DTNA: variants seen among roughly 807,000 people sequenced by gnomAD.
DTNA encodes the protein dystrobrevin alpha.
A neutral mutation model predicts 100.7 loss-of-function variants in DTNA; 43 were observed. The ratio of observed to expected loss-of-function variants is 0.43; its 90% CI spans 0.33 to 0.55. DTNA has a LOEUF of 0.55. Among genes scored for constraint, DTNA ranks in the 20% least tolerant of loss-of-function variants. DTNA has a pLI of 0.04. For synonymous variants in DTNA, 349 were observed against 347.9 expected (o/e 1.00, Z -0.04); for missense variants, 798 against 953.9 (o/e 0.84, Z 2.15).
At chr18:34,877,853 A>T (rs1302521763) in intron 19 of DTNA, 45 bp downstream of exon 19, 1 of 1,518,284 alleles carries the variant, frequency 6.6e-7, no homozygotes, top group Non-Finnish European at 9.1e-7. Flanking sequence ...TCATGGAGGG[A>T]TCCATAAGTG....
At chr18:34,692,636 G>A (rs1178438787) in intron 1 of DTNA, among the ~76,000 whole-genome samples, 3 of 152,206 alleles carry the variant, frequency 2.0e-5, no homozygotes, top group African/African-American at 7.2e-5. Context: ...ATAAGTTTAT[G>A]TTTAGGTTGA....
intron 3 of DTNA, among the ~76,000 whole-genome samples, chr18:34,768,438 G>C (rs1372522183): frequency 7.0e-6 from 1 of 142,006 alleles, no homozygotes; most frequent in Non-Finnish European, 1.5e-5. Flanking sequence ...ACACTGTGTT[G>C]TCCCCACTCA....
At chr18:34,666,319 T>C (rs1476932382) in intron 1 of DTNA, among the ~76,000 whole-genome samples, 1 of 152,078 alleles carries the variant, frequency 6.6e-6, no homozygotes, top group Non-Finnish European at 1.5e-5. Context: ...TTCTGGATAT[T>C]AGCCCTTTGT....
rs540168484 is a variant in DTNA at position 34,686,488 on chromosome 18, C to T, written c.-1-69488C>T. On this transcript the variant is annotated intron_variant, in intron 1 of 19. Coordinates refer to the DTNA transcript ENST00000283365. ...CCAGCCTTGCATCCCAGGATGAAGCCGACTTGATTGTGGTGGATAATCTTT... is the reference window on the plus strand; with the variant it reads ...CCAGCCTTGCATCCCAGGATGAAGCTGACTTGATTGTGGTGGATAATCTTT... Among the ~76,000 whole-genome samples the T allele has an allele frequency of 5.9e-5, 9 of 152,166 alleles. No homozygotes were observed. In the East Asian group the frequency reaches 7.7e-4, roughly 13 times the overall value.
chr18:34,797,132 C>G (rs2095012518), intron 4 of DTNA, among the ~76,000 whole-genome samples: 1 of 152,098 alleles, frequency 6.6e-6, no homozygotes, highest in Non-Finnish European at 1.5e-5. Context: ...CTCATGCTTG[C>G]CATTCTGTCC....
intron 14 of DTNA, 72 bp from the exon 15 acceptor site, chr18:34,851,759 A>T: frequency 6.8e-7 from 1 of 1,481,138 alleles, no homozygotes; most frequent in African/African-American, 1.4e-5. Flanking sequence ...TGCATATCTC[A>T]TGACTCCTGC....
chr18:34,867,222 C>A (rs1053880145), intron 17 of DTNA: 6 of 1,231,082 alleles, frequency 4.9e-6, no homozygotes, highest in Non-Finnish European at 5.1e-6. Context: ...TTGTGTGTAA[C>A]AAAGAATGTT....
At chr18:34,886,644 C>G (rs1459357432) in intron 22 of DTNA, among the ~76,000 whole-genome samples, 1 of 152,142 alleles carries the variant, frequency 6.6e-6, no homozygotes, top group African/African-American at 2.4e-5. Context: ...TCTAGAAGTT[C>G]CTAGGCCATT....
intron 5 of DTNA, among the ~76,000 whole-genome samples, chr18:34,810,078 A>G (rs2095452642): frequency 6.6e-6 from 1 of 152,328 alleles, no homozygotes. Context: ...GGGCTCCTGG[A>G]TAGTTCTAAG....
intron 1 of DTNA, among the ~76,000 whole-genome samples, chr18:34,698,713 A>G (rs1393757598): frequency 6.6e-6 from 1 of 152,170 alleles, no homozygotes; most frequent in African/African-American, 2.4e-5. Context: ...CCGATGTTTG[A>G]GGTCAGGAAG....
Position 34,798,038 on chromosome 18 carries a change from C to T in DTNA, c.362+3788C>T, listed in dbSNP as rs147298373. 3.2e-4 allele frequency among the ~76,000 whole-genome samples: 48 copies of T among 152,248 alleles called. No individual in the cohort carries two copies. The East Asian group carries it at 7.5e-3, about 24-fold the overall frequency. On this transcript the variant is annotated intron_variant, in intron 4 of 22. Transcript: ENST00000444659. ...TTTTTAAGACCGAGTCTCACTCTGC[C>T]GCCCAGGCTGGAGTGCAGTGGCACA...
At chr18:34,533,173 C>G (rs2043319468) in intron 1 of DTNA, among the ~76,000 whole-genome samples, 1 of 151,588 alleles carries the variant, frequency 6.6e-6, no homozygotes, top group Non-Finnish European at 1.5e-5. Context: ...AAGTTCACGA[C>G]CAGCCTGACC....
intron 1 of DTNA, among the ~76,000 whole-genome samples, chr18:34,591,625 G>A (rs1402802822): frequency 6.6e-6 from 1 of 152,160 alleles, no homozygotes; most frequent in Non-Finnish European, 1.5e-5. Context: ...ACAGAAATGT[G>A]TACTTTCTGG....
intron 1 of DTNA, among the ~76,000 whole-genome samples, chr18:34,632,459 T>C (rs1023267518): frequency 5.3e-5 from 8 of 152,194 alleles, no homozygotes; most frequent in African/African-American, 1.9e-4. Context: ...GTGCCTTATT[T>C]AACAGTTCCC....
intron 1 of DTNA, among the ~76,000 whole-genome samples, chr18:34,725,781 A>C (rs1276036812): frequency 6.6e-6 from 1 of 152,220 alleles, no homozygotes; most frequent in South Asian, 2.1e-4. Flanking sequence ...TCATTCTACT[A>C]TAAAGACACA....
intron 1 of DTNA, among the ~76,000 whole-genome samples, chr18:34,718,037 A>G (rs2084412256): frequency 1.3e-5 from 2 of 152,332 alleles, no homozygotes; most frequent in South Asian, 4.1e-4. Flanking sequence ...TCTCTTTACA[A>G]TAAGTCAGGT....
chr18:34,498,450 T>TAATAAG (rs2039520627), intron 1 of DTNA, among the ~76,000 whole-genome samples: 1 of 108,752 alleles, frequency 9.2e-6, no homozygotes, highest in Non-Finnish European at 2.0e-5. Flanking sequence ...AATATAATAA[T>TAATAAG]AATAATAATA....
At chr18:34,800,046 G>GT (rs1284752577) in intron 4 of DTNA, among the ~76,000 whole-genome samples, 1 of 152,202 alleles carries the variant, frequency 6.6e-6, no homozygotes, top group Non-Finnish European at 1.5e-5. Flanking sequence ...AATTATGCCT[G>GT]TGAACACTTC....
chr18:34,630,617 T>A (rs1303873189), intron 1 of DTNA, among the ~76,000 whole-genome samples: 2 of 151,874 alleles, frequency 1.3e-5, no homozygotes, highest in Non-Finnish European at 2.9e-5. Flanking sequence ...AGGTAAAGAG[T>A]GTCAGTTTCC....
Sources: allele counts gnomAD v4.1 joint callset (sites outside exome capture counted in the v4.1 genomes callset), GRCh38; gene constraint gnomAD v4.1.1; transcripts MANE v1.5; gene names NCBI Gene and HGNC (gene_info 2026-07-23, HGNC 2026-07-21).